IFRD1: variants seen among roughly 807,000 people sequenced by gnomAD.
IFRD1 encodes the protein interferon-related developmental regulator 1.
IFRD1 carries 35 observed loss-of-function variants against 52.9 expected under a neutral mutation model. The ratio of observed to expected loss-of-function variants is 0.66; its 90% CI spans 0.51 to 0.88. The LOEUF (loss-of-function observed/expected upper bound fraction) is 0.88. IFRD1 is among the 40% of genes least tolerant of loss of function. The pLI is 0.00. For missense variants in IFRD1, 517 were observed against 550.8 expected, an observed-to-expected ratio of 0.94 and a Z score of 0.61; for synonymous variants, 184 against 188.4, an observed-to-expected ratio of 0.98 and a Z score of 0.19.
intron 1 of IFRD1, among the ~76,000 whole-genome samples, chr7:112,441,351 G>A (rs979769780): frequency 2.6e-5 from 4 of 151,908 alleles, no homozygotes; most frequent in Non-Finnish European, 4.4e-5. Context: ...AGCGGCTTTG[G>A]AGGCTGTGGT....
intron 1 of IFRD1, among the ~76,000 whole-genome samples, chr7:112,424,732 T>C (rs557969644): frequency 3.9e-4 from 60 of 152,276 alleles, no homozygotes; most frequent in African/African-American, 1.3e-3. Context: ...AAAAATTTTT[T>C]AATTTCCTTC....
intron 1 of IFRD1, chr7:112,435,392 T>A (rs995015902): frequency 1.3e-5 from 2 of 152,192 alleles, no homozygotes; most frequent in Non-Finnish European, 1.5e-5. Flanking sequence ...GTTCCCTTAT[T>A]AGATCATTAA....
At chr7:112,445,758 G>A (rs947087870), upstream of IFRD1, among the ~76,000 whole-genome samples, 4 of 152,206 alleles carry the variant, frequency 2.6e-5, no homozygotes, top group African/African-American at 9.6e-5. Flanking sequence ...CAGACTTGGT[G>A]TTCTGTTTCT....
rs574598683 is a variant in IFRD1 at position 112,472,846 on chromosome 7, T to A, written c.1251T>A (p.Ile417=). 1.0e-4 allele frequency: 169 copies of A among 1,612,354 alleles called. 2 individuals carry two copies. In the South Asian group the frequency reaches 1.8e-3, roughly 17 times the overall value. The part of the protein sequence containing the change: ...LDAATLKTMK[I]SRFERHLYNS... The stretch of plus-strand genomic sequence containing the variant: ...CTGCAACGCTTAAAACGATGAAGAT[T>A]TCTCGTTTCGAAAGGGTAGGTTTTG... The change falls in exon 11 of 12, where the codon ATT becomes ATA. Residue 417 remains isoleucine, a synonymous_variant. Coordinates refer to ENST00000403825, the MANE Select transcript of IFRD1 (RefSeq NM_001550.4).
rs1168612613 is a variant in IFRD1, at chr7:112,461,914, A to G, written c.616A>G (p.Thr206Ala). The change falls in exon 6 of 12, where the codon ACT (threonine) becomes GCT (alanine). Residue 206 changes from threonine to alanine, a missense_variant and splice_region_variant. Physicochemically the swap from Thr to Ala is moderately conservative, Grantham distance 58. Transcript: ENST00000403825. ...CTGTTTTATTGCCACAGATGACATT[A>G]CTGTAAGTAAAAAACCTTTGATTCT... The part of the protein sequence containing the change: ...VCCFIATDDI[T>A]ELYSTLECLE... 5 of 1,608,862 alleles carry G rather than the reference A, an allele frequency of 3.1e-6. No individual in the cohort carries two copies. The Admixed American group carries it at 8.3e-5, about 27-fold the overall frequency.
In IFRD1 at chr7:112,468,078, A is replaced by C; in HGVS notation, c.1004A>C (p.Gln335Pro). The C allele has an allele frequency of 6.2e-7, 1 of 1,614,138 alleles. No homozygotes were observed. Among genetic ancestry groups the C allele is most frequent in the Non-Finnish European group, 8.5e-7 (1 of 1,179,990 alleles). Reference sequence around the variant, plus strand: ...CGGGCCAAAGTGGACAAGAGAAAGCAGCGGTCAGTTTTCAGAGATGTCCTG... The same window carrying C: ...CGGGCCAAAGTGGACAAGAGAAAGCCGCGGTCAGTTTTCAGAGATGTCCTG... Reference protein sequence around the residue: ...KHRAKVDKRKQRSVFRDVLRA... With the variant: ...KHRAKVDKRKPRSVFRDVLRA... The change falls in exon 9 of 12, where the codon CAG becomes CCG. Residue 335 changes from glutamine (Q) to proline (P), a missense_variant. Coordinates refer to ENST00000403825, the MANE Select transcript of IFRD1 (RefSeq NM_001550.4).
At chr7:112,442,996 T>C (rs961444035) in intron 1 of IFRD1, among the ~76,000 whole-genome samples, 3 of 152,250 alleles carry the variant, frequency 2.0e-5, no homozygotes, top group East Asian at 3.8e-4. Context: ...TTTACTTGTA[T>C]TGTTTCATGT....
At chr7:112,428,870 A>G (rs1584462154) in intron 1 of IFRD1, among the ~76,000 whole-genome samples, 2 of 152,278 alleles carry the variant, frequency 1.3e-5, no homozygotes, top group Middle Eastern at 3.4e-3. Flanking sequence ...CCAGTAGATT[A>G]ATCTTCCTCA....
intron 9 of IFRD1, 127 bp from the exon 10 acceptor site, chr7:112,472,092 A>C (rs1344981481): frequency 1.1e-6 from 1 of 918,040 alleles, no homozygotes; most frequent in African/African-American, 1.6e-5. Flanking sequence ...CAGGTATGGC[A>C]GTATCAGTTT....
At chr7:112,475,314 A>T (rs991291802) in intron 11 of IFRD1, 116 bp from the exon 12 acceptor site, 2 of 678,676 alleles carry the variant, frequency 2.9e-6, no homozygotes, top group Non-Finnish European at 5.2e-6. Flanking sequence ...TAAACATTTA[A>T]ATGTTTATAG....
upstream of IFRD1, among the ~76,000 whole-genome samples, chr7:112,447,973 T>A (rs1795066286): frequency 6.6e-6 from 1 of 152,132 alleles, no homozygotes; most frequent in South Asian, 2.1e-4. Flanking sequence ...TTTCTCCCTT[T>A]CCTTGATCCA....
At chr7:112,434,450 G>A (rs866783165) in intron 1 of IFRD1, among the ~76,000 whole-genome samples, 3 of 152,246 alleles carry the variant, frequency 2.0e-5, no homozygotes, top group Middle Eastern at 3.4e-3. Context: ...TCCCACAGCA[G>A]GAATGATGAT....
chr7:112,462,349 C>A lies in IFRD1; in HGVS notation c.877C>A (p.Leu293Ile), dbSNP rs746358114. The A allele has an allele frequency of 5.6e-6, 9 of 1,612,996 alleles. No individual in the cohort carries two copies. In the Admixed American group the frequency reaches 1.5e-4, roughly 27 times the overall value. ...AGCTGCTGGTGAATCTTTGGCACTT[C>A]TCTTTGAATTGGCCAGAGGAATAGA... Reference protein sequence around the residue: ...RIAAGESLALLFELARGIESD... With the variant: ...RIAAGESLALIFELARGIESD... Residue 293 changes from leucine to isoleucine, a missense_variant, in exon 8 of 12, where the codon CTC (leucine) becomes ATC (isoleucine). Coordinates refer to ENST00000403825, the MANE Select transcript of IFRD1 (RefSeq NM_001550.4).
upstream of IFRD1, among the ~76,000 whole-genome samples, chr7:112,447,859 A>T (rs1398583595): frequency 2.0e-5 from 3 of 152,204 alleles, no homozygotes; most frequent in African/African-American, 7.2e-5. Context: ...AAAGTACAGT[A>T]TCTCTCAGAA....
upstream of IFRD1, chr7:112,450,141 GC>G: frequency 6.2e-6 from 1 of 160,470 alleles, no homozygotes; most frequent in Non-Finnish European, 1.4e-5. Flanking sequence ...CAAGGCGGGG[GC>G]GCGCCGAGGC....
At position 112,461,848 on chromosome 7, in the gene IFRD1, A is replaced by G. The variant is rs1795444585; in HGVS notation, c.568-18A>G. 2 of 1,290,214 alleles carry G rather than the reference A, an allele frequency of 1.6e-6. No homozygotes were observed. The highest frequency in any genetic ancestry group is 2.2e-6 in the Non-Finnish European group (2 of 905,010). 79.9% of individuals were successfully genotyped at this position (1,290,214 alleles called of 1,614,324 possible). On this transcript the variant is annotated intron_variant, in intron 5 of 11. Coordinates refer to ENST00000403825, the MANE Select transcript of IFRD1 (RefSeq NM_001550.4). ...AATAAAATCATTAATGTCTATATAT[A>G]TATATTTTTTTTTTTAGTGTGCAAC...
At chr7:112,433,486 T>G (rs1012525648) in intron 1 of IFRD1, among the ~76,000 whole-genome samples, 8 of 152,206 alleles carry the variant, frequency 5.3e-5, no homozygotes. Flanking sequence ...ACAACAGTGT[T>G]GTTATCTCCA....
chr7:112,451,115 C>T (rs1162422586), intron 1 of IFRD1: 2 of 291,174 alleles, frequency 6.9e-6, no homozygotes, highest in African/African-American at 4.4e-5. Context: ...GCGGCGATCT[C>T]GCCCGATCTC....
chr7:112,441,410 A>C (rs1794886283), intron 1 of IFRD1, among the ~76,000 whole-genome samples: 1 of 151,670 alleles, frequency 6.6e-6, no homozygotes, highest in African/African-American at 2.4e-5. Flanking sequence ...ACTACACTCC[A>C]GTCTGGGTGA....
Sources: gnomAD v4.1 joint callset for allele counts (sites outside exome capture counted in the v4.1 genomes callset) on GRCh38, gnomAD v4.1.1 for gene constraint, MANE v1.5 for transcripts, NCBI Gene and HGNC (gene_info 2026-07-23, HGNC 2026-07-21) for gene names.